NKAIN3: variants seen among roughly 807,000 people sequenced by gnomAD.
NKAIN3 encodes sodium/potassium transporting ATPase interacting 3.
A neutral mutation model predicts 30.2 loss-of-function variants in NKAIN3; 25 were observed. The ratio of observed to expected loss-of-function variants is 0.83; its 90% CI spans 0.60 to 1.16. NKAIN3 has a LOEUF of 1.16. NKAIN3 is among the 50% of genes most tolerant of loss of function. The pLI, the probability that NKAIN3 is intolerant of heterozygous loss-of-function variation, is 0.00. For synonymous variants in NKAIN3, 91 were observed against 89.6 expected (o/e 1.02, Z -0.09); for missense variants, 225 against 254.1 (o/e 0.89, Z 0.78).
intron 1 of NKAIN3, among the ~76,000 whole-genome samples, chr8:62,475,746 C>T (rs1381184406): frequency 6.6e-6 from 1 of 152,070 alleles, no homozygotes; most frequent in East Asian, 1.9e-4. Context: ...TGATGGGCTC[C>T]CAGGTGTGAT....
chr8:62,930,964 C>G (rs1822603293), intron 5 of NKAIN3, among the ~76,000 whole-genome samples: 2 of 152,200 alleles, frequency 1.3e-5, no homozygotes. Context: ...ACCTTGGCCT[C>G]CCAAAGTGCT....
intron 5 of NKAIN3, among the ~76,000 whole-genome samples, chr8:62,933,843 T>C (rs1452353212): frequency 6.6e-6 from 1 of 152,112 alleles, no homozygotes; most frequent in African/African-American, 2.4e-5. Context: ...TTCCTCCAAA[T>C]GAGCCCAACA....
intron 1 of NKAIN3, among the ~76,000 whole-genome samples, chr8:62,261,448 A>G (rs1812439405): frequency 6.6e-6 from 1 of 152,158 alleles, no homozygotes; most frequent in Non-Finnish European, 1.5e-5. Flanking sequence ...ATCTCTCACT[A>G]TGAGGGAAAG....
At chr8:62,903,101 A>G (rs1821661474) in intron 4 of NKAIN3, among the ~76,000 whole-genome samples, 1 of 152,228 alleles carries the variant, frequency 6.6e-6, no homozygotes, top group South Asian at 2.1e-4. Context: ...TCCCATACAC[A>G]TAAGGGCAGT....
chr8:62,482,815 A>G (rs1177278264), intron 1 of NKAIN3: 2 of 152,230 alleles, frequency 1.3e-5, no homozygotes, highest in African/African-American at 4.8e-5. Flanking sequence ...TACTGGGGTA[A>G]TATTAGCAGG....
At chr8:62,288,644 A>T (rs563909211) in intron 1 of NKAIN3, among the ~76,000 whole-genome samples, 6 of 152,214 alleles carry the variant, frequency 3.9e-5, no homozygotes, top group African/African-American at 7.2e-5. Flanking sequence ...TCTATCATTG[A>T]TGGACATTTG....
intron 1 of NKAIN3, among the ~76,000 whole-genome samples, chr8:62,442,589 A>C (rs1191045833): frequency 2.0e-5 from 3 of 151,358 alleles, no homozygotes; most frequent in African/African-American, 4.8e-5. Context: ...TTTTTATTTC[A>C]CTGATTGCTG....
chr8:62,790,769 C>A (rs1817682487), intron 4 of NKAIN3, among the ~76,000 whole-genome samples: 1 of 152,046 alleles, frequency 6.6e-6, no homozygotes. Context: ...ATGCTTTGGG[C>A]AAGTAATAAC....
chr8:62,393,020 C>T (rs74568003), intron 1 of NKAIN3, among the ~76,000 whole-genome samples: 16,662 of 151,992 alleles, frequency 0.11, 1,386 homozygotes, highest in African/African-American at 0.22. Flanking sequence ...TAACATGGTG[C>T]AGGTCTCTAA....
chr8:62,343,704 A>G (rs996295346), intron 1 of NKAIN3, among the ~76,000 whole-genome samples: 7 of 151,864 alleles, frequency 4.6e-5, no homozygotes, highest in Non-Finnish European at 7.4e-5. Context: ...CCAGCTACTC[A>G]GGAGCCTAAG....
chr8:62,955,958 A>G lies in NKAIN3; in HGVS notation c.603+1986A>G, dbSNP rs1451155723. Reference sequence around the variant, plus strand: ...AGCAATAGAACAAGCTTCTGCTTTGACAGATTATGCATATTATCATGTCAG... The same window carrying G: ...AGCAATAGAACAAGCTTCTGCTTTGGCAGATTATGCATATTATCATGTCAG... On this transcript the variant is annotated intron_variant, in intron 6 of 6. Transcript: ENST00000623646. 3.3e-5 allele frequency among the ~76,000 whole-genome samples: 5 copies of G among 152,250 alleles called. No individual in the cohort carries two copies. The South Asian group carries it at 8.3e-4, about 25-fold the overall frequency.
At chr8:62,730,691 T>C (rs1457817203) in intron 3 of NKAIN3, among the ~76,000 whole-genome samples, 3 of 152,178 alleles carry the variant, frequency 2.0e-5, no homozygotes, top group African/African-American at 7.2e-5. Context: ...TCCTTTCTTT[T>C]TATATTTATT....
intron 4 of NKAIN3, among the ~76,000 whole-genome samples, chr8:62,914,309 C>T (rs1822014388): frequency 6.6e-6 from 1 of 151,960 alleles, no homozygotes; most frequent in African/African-American, 2.4e-5. Context: ...CTTATGAACA[C>T]AAAGAAAGAA....
chr8:62,892,449 A>G (rs1821321930), intron 4 of NKAIN3, among the ~76,000 whole-genome samples: 1 of 152,186 alleles, frequency 6.6e-6, no homozygotes, highest in African/African-American at 2.4e-5. Flanking sequence ...TCTGAATCTA[A>G]TGAAGTATGA....
intron 4 of NKAIN3, among the ~76,000 whole-genome samples, chr8:62,878,040 CAAAAA>C (rs34421488): frequency 1.8e-5 from 2 of 113,738 alleles, no homozygotes; most frequent in African/African-American, 6.8e-5. Context: ...AACTCCATCT[CAAAAA>C]AAAAAAAAAA....
chr8:62,264,583 T>A lies in NKAIN3; in HGVS notation c.54+15456T>A, dbSNP rs143331953. Among the ~76,000 whole-genome samples the A allele has an allele frequency of 3.8e-3, 577 of 152,274 alleles. 5 individuals carry two copies. The highest frequency in any genetic ancestry group is 0.026 in the East Asian group (132 of 5,176). ...TGCTAACTGGTGATTCTACCCTATG[T>A]TATTGGTCTGGGCCTATGGATATAA... On this transcript the variant is annotated intron_variant, in intron 1 of 6. Transcript: ENST00000623646.
intron 3 of NKAIN3, among the ~76,000 whole-genome samples, chr8:62,619,519 TG>T (rs1054579372): frequency 1.4e-4 from 21 of 152,266 alleles, no homozygotes; most frequent in African/African-American, 5.1e-4. Context: ...CCCACCTTTC[TG>T]GACCCAACCA....
At chr8:62,671,570 A>T (rs2130388466) in intron 3 of NKAIN3, among the ~76,000 whole-genome samples, 1 of 152,282 alleles carries the variant, frequency 6.6e-6, no homozygotes, top group South Asian at 2.1e-4. Context: ...TGAGGAAATA[A>T]AAATTAATGA....
intron 1 of NKAIN3, among the ~76,000 whole-genome samples, chr8:62,447,557 T>C (rs1296743781): frequency 1.3e-5 from 2 of 152,062 alleles, no homozygotes; most frequent in African/African-American, 2.4e-5. Flanking sequence ...AAGAGAATAA[T>C]TGGACACAAT....
Sources: allele counts gnomAD v4.1 joint callset (sites outside exome capture counted in the v4.1 genomes callset), GRCh38; gene constraint gnomAD v4.1.1; transcripts MANE v1.5; gene names NCBI Gene and HGNC (gene_info 2026-07-23, HGNC 2026-07-21).